Variants in RFC3 observed in about 807,000 individuals in gnomAD.
RFC3 encodes A1 38 kDa subunit.
A neutral mutation model predicts 45.1 loss-of-function variants in RFC3; 41 were observed. The observed-to-expected ratio is 0.91, with a 90% CI of 0.71 to 1.18. The LOEUF (loss-of-function observed/expected upper bound fraction) is 1.18. Among genes scored for constraint, RFC3 ranks in the 50% most tolerant of loss-of-function variants. The probability of loss-of-function intolerance (pLI) is 0.00; values close to 1 mark genes in which losing one functional copy is unlikely to be tolerated. For missense variants in RFC3, 423 were observed against 428.1 expected, an observed-to-expected ratio of 0.99 and a Z score of 0.10; for synonymous variants, 149 against 144.0, an observed-to-expected ratio of 1.03 and a Z score of -0.25.
intron 8 of RFC3, among the ~76,000 whole-genome samples, chr13:33,923,928 C>T (rs7335454): frequency 0.17 from 26,053 of 152,046 alleles, 2,976 homozygotes; most frequent in African/African-American, 0.29. Flanking sequence ...GGTTTTCCTT[C>T]GGGTTAGAGC....
At chr13:33,962,090 T>G (rs2083060798) in intron 8 of RFC3, among the ~76,000 whole-genome samples, 1 of 152,310 alleles carries the variant, frequency 6.6e-6, no homozygotes, top group Admixed American at 6.5e-5. Flanking sequence ...GTGTGGCCAG[T>G]GCAGGCAGCA....
chr13:33,965,182 C>A (rs2083079814), intron 8 of RFC3, among the ~76,000 whole-genome samples: 1 of 152,146 alleles, frequency 6.6e-6, no homozygotes, highest in South Asian at 2.1e-4. Flanking sequence ...CTAGAGTTAG[C>A]AAATGAGGAC....
rs2139408629 is a variant in RFC3, at chr13:33,830,803, T to C, written c.658T>C (p.Cys220Arg). 6.2e-7 allele frequency: 1 copy of C among 1,613,402 alleles called. No homozygotes were observed. The highest frequency in any genetic ancestry group is 8.5e-7 in the Non-Finnish European group (1 of 1,179,460). ...GGCTCATAGACTTGCAGAGAAGTCT[T>C]GTAGAAATCTCAGAAAAGCCCTGCT... Reference protein sequence around the residue: ...QLAHRLAEKSCRNLRKALLMC... With the variant: ...QLAHRLAEKSRRNLRKALLMC... The change falls in exon 6 of 9, where the codon TGT becomes CGT. Residue 220 changes from cysteine (C) to arginine (R), a missense_variant. Transcript: ENST00000380071.
At chr13:33,900,542 G>A (rs1050731499) in intron 8 of RFC3, among the ~76,000 whole-genome samples, 2 of 149,690 alleles carry the variant, frequency 1.3e-5, no homozygotes, top group Non-Finnish European at 3.0e-5. Flanking sequence ...AACGTATTAA[G>A]ACCTGTATTA....
intron 8 of RFC3, among the ~76,000 whole-genome samples, chr13:33,868,455 A>G (rs993677168): frequency 2.6e-5 from 4 of 152,196 alleles, no homozygotes; most frequent in Admixed American, 6.5e-5. Context: ...CGCCTCACAG[A>G]TGAAAAATGG....
At chr13:33,944,145 G>A (rs1216951402) in intron 8 of RFC3, among the ~76,000 whole-genome samples, 2 of 152,146 alleles carry the variant, frequency 1.3e-5, no homozygotes, top group Non-Finnish European at 2.9e-5. Context: ...TCAAGATCAT[G>A]TATTTTGTGT....
At chr13:33,827,306 A>G (rs2082059197) in intron 4 of RFC3, among the ~76,000 whole-genome samples, 1 of 152,088 alleles carries the variant, frequency 6.6e-6, no homozygotes, top group South Asian at 2.1e-4. Flanking sequence ...AGGCAAAACA[A>G]AACTGTTCTG....
chr13:33,935,178 A>G (rs1416565866), intron 8 of RFC3, among the ~76,000 whole-genome samples: 1 of 152,150 alleles, frequency 6.6e-6, no homozygotes, highest in African/African-American at 2.4e-5. Flanking sequence ...AATGTTTTAA[A>G]TAAACTTTCC....
intron 8 of RFC3, among the ~76,000 whole-genome samples, chr13:33,954,962 C>T (rs2083013102): frequency 6.6e-6 from 1 of 152,170 alleles, no homozygotes; most frequent in African/African-American, 2.4e-5. Context: ...GATGTCTCTC[C>T]AGCAAACATT....
intron 8 of RFC3, among the ~76,000 whole-genome samples, chr13:33,929,803 TA>T (rs2082840517): frequency 6.6e-6 from 1 of 152,124 alleles, no homozygotes; most frequent in African/African-American, 2.4e-5. Flanking sequence ...ACAATTGGAT[TA>T]TTTCCAATTT....
chr13:33,890,108 C>T (rs10220053), intron 8 of RFC3, among the ~76,000 whole-genome samples: 2,830 of 152,142 alleles, frequency 0.019, 71 homozygotes, highest in African/African-American at 0.066. Context: ...AGCAGCCTTA[C>T]GACCTCCTGT....
At chr13:33,897,703 G>A (rs2082609918) in intron 8 of RFC3, among the ~76,000 whole-genome samples, 1 of 151,994 alleles carries the variant, frequency 6.6e-6, no homozygotes, top group Non-Finnish European at 1.5e-5. Flanking sequence ...CACATAGACT[G>A]AAAGTGAAGG....
chr13:33,945,652 A>T (rs1327165363), intron 8 of RFC3, among the ~76,000 whole-genome samples: 1 of 152,204 alleles, frequency 6.6e-6, no homozygotes, highest in East Asian at 1.9e-4. Flanking sequence ...TTCTCTTGGA[A>T]GCAGAGAGAT....
downstream of RFC3, among the ~76,000 whole-genome samples, chr13:33,839,580 G>T (rs561057590): frequency 6.6e-6 from 1 of 152,314 alleles, no homozygotes; most frequent in Admixed American, 6.5e-5. Context: ...TCAAGCTTCA[G>T]TGTACTGAAT....
chr13:33,824,628 C>T (rs1463143250), intron 3 of RFC3, among the ~76,000 whole-genome samples: 2 of 152,034 alleles, frequency 1.3e-5, no homozygotes, highest in African/African-American at 4.8e-5. Context: ...TCATATTCAA[C>T]ATGGGCAGTG....
intron 8 of RFC3, among the ~76,000 whole-genome samples, chr13:33,901,811 T>A (rs7335665): frequency 0.014 from 2,072 of 152,130 alleles, 47 homozygotes; most frequent in African/African-American, 0.048. Flanking sequence ...TATTAATATA[T>A]CTTTTATGCA....
At chr13:33,915,798 CTATA>C (rs5802698) in intron 8 of RFC3, among the ~76,000 whole-genome samples, 1 of 150,010 alleles carries the variant, frequency 6.7e-6, no homozygotes, top group African/African-American at 2.4e-5. Flanking sequence ...TTCTATATTT[CTATA>C]TATATATATA....
chr13:33,823,436 C>G (rs1373110884), intron 2 of RFC3, among the ~76,000 whole-genome samples: 6 of 152,126 alleles, frequency 3.9e-5, no homozygotes, highest in African/African-American at 1.4e-4. Context: ...TGGTGTGTGA[C>G]TATAACACTG....
chr13:33,866,510 T>C (rs2137551470), intron 8 of RFC3, among the ~76,000 whole-genome samples: 1 of 152,348 alleles, frequency 6.6e-6, no homozygotes, highest in South Asian at 2.1e-4. Context: ...CTCTAGGTGT[T>C]GCAAAGAGTC....
Sources: allele counts gnomAD v4.1 joint callset (sites outside exome capture counted in the v4.1 genomes callset), GRCh38; gene constraint gnomAD v4.1.1; transcripts MANE v1.5; gene names NCBI Gene and HGNC (gene_info 2026-07-23, HGNC 2026-07-21).